The following SH3BGR variants were observed in gnomAD, a reference collection of about 807,000 sequenced individuals.
SH3BGR encodes SH3 domain binding glutamate rich protein, also known as SH3 domain-binding glutamic acid-rich protein.
Under a neutral mutation model 24.5 loss-of-function variants are expected in SH3BGR, and 29 were observed. The ratio of observed to expected loss-of-function variants is 1.18; its 90% CI spans 0.88 to 1.61. The LOEUF is 1.61. SH3BGR is among the 40% of genes most tolerant of loss of function. The pLI is 0.00. For synonymous variants in SH3BGR, 55 were observed against 65.7 expected (o/e 0.84, Z 0.79); for missense variants, 162 against 205.8 (o/e 0.79, Z 1.30).
chr21:39,466,881 C>G (rs1016878148), intron 2 of SH3BGR, among the ~76,000 whole-genome samples: 1 of 150,814 alleles, frequency 6.6e-6, no homozygotes, highest in African/African-American at 2.4e-5. Context: ...TCTTACTTGT[C>G]TTTTGACTTT....
chr21:39,512,573 G>A (rs542790701), intron 6 of SH3BGR, among the ~76,000 whole-genome samples: 32 of 152,260 alleles, frequency 2.1e-4, no homozygotes, highest in African/African-American at 6.0e-4. Context: ...GGACATGGGC[G>A]AATGCTTAAA....
In SH3BGR at chr21:39,467,743, G is replaced by A. The variant is rs138301394; in HGVS notation, c.231+5183G>A. On this transcript the variant is annotated intron_variant, in intron 2 of 6. Coordinates refer to ENST00000333634, the MANE Select transcript of SH3BGR (RefSeq NM_007341.3). Reference sequence around the variant, plus strand: ...ATGCCATGCCTGATGATGGCAGCAGGTGGAAGGAGACCCCAGAGGCAAGCA... The same window carrying A: ...ATGCCATGCCTGATGATGGCAGCAGATGGAAGGAGACCCCAGAGGCAAGCA... Among the ~76,000 whole-genome samples, 348 of 152,288 alleles carry A rather than the reference G, an allele frequency of 2.3e-3. 2 individuals are homozygous for A. The highest frequency in any genetic ancestry group is 7.9e-3 in the African/African-American group (327 of 41,552).
upstream of SH3BGR, among the ~76,000 whole-genome samples, chr21:39,447,910 T>G (rs1289065158): frequency 2.0e-5 from 3 of 152,194 alleles, no homozygotes; most frequent in Non-Finnish European, 2.9e-5. Flanking sequence ...CTTAGAACAA[T>G]AGAACTTTAT....
upstream of SH3BGR, among the ~76,000 whole-genome samples, chr21:39,449,074 C>T (rs535142641): frequency 3.3e-5 from 5 of 152,278 alleles, no homozygotes; most frequent in Admixed American, 3.3e-4. Context: ...GAGCCAAATT[C>T]CATCCCATTT....
At chr21:39,479,858 C>T (rs2837045) in intron 3 of SH3BGR, among the ~76,000 whole-genome samples, 82,755 of 151,912 alleles carry the variant, frequency 0.54, 23,107 homozygotes, top group East Asian at 0.68. Flanking sequence ...TTTGAATTTC[C>T]GTAGACATTT....
intron 1 of SH3BGR, among the ~76,000 whole-genome samples, chr21:39,461,135 A>ATTT (rs56088801): frequency 2.7e-4 from 34 of 127,014 alleles, no homozygotes; most frequent in African/African-American, 8.8e-4. Context: ...AGTTTTGTAG[A>ATTT]TTTTTTTTTT....
rs964362303 is a variant in SH3BGR at position 39,511,489 on chromosome 21, G to T, written c.436-191G>T. On this transcript the variant is annotated intron_variant, in intron 5 of 6. Transcript: ENST00000333634. The surrounding 1 kb of genome is among the most constrained non-coding windows in gnomAD (Gnocchi z 4.2). ...TGTGTGTTTGGGCGGTATGTGTGTG[G>T]GGTGTGTGTGTGGCATGTGTTTGTG... Among the ~76,000 whole-genome samples the T allele has an allele frequency of 2.2e-4, 32 of 148,490 alleles. No individual in the cohort carries two copies. Among genetic ancestry groups the T allele is most frequent in the African/African-American group, 7.2e-4 (29 of 40,154 alleles).
intron 3 of SH3BGR, among the ~76,000 whole-genome samples, chr21:39,480,010 A>G (rs2078106055): frequency 6.6e-6 from 1 of 152,158 alleles, no homozygotes; most frequent in Non-Finnish European, 1.5e-5. Flanking sequence ...TCTCATGATT[A>G]ACTAGAAACT....
chr21:39,469,482 C>CT (rs940187409), intron 2 of SH3BGR, among the ~76,000 whole-genome samples: 9 of 151,316 alleles, frequency 5.9e-5, no homozygotes, highest in East Asian at 1.9e-4. Flanking sequence ...CTTCTATACA[C>CT]TTTTTTTTCC....
intron 3 of SH3BGR, among the ~76,000 whole-genome samples, chr21:39,493,584 C>A (rs1205187312): frequency 6.6e-6 from 1 of 152,014 alleles, no homozygotes; most frequent in African/African-American, 2.4e-5. Context: ...TTTAGTCTTG[C>A]TTTGGCTATG....
chr21:39,503,256 A>G (rs1034417646), intron 4 of SH3BGR, among the ~76,000 whole-genome samples: 3 of 152,246 alleles, frequency 2.0e-5, no homozygotes, highest in African/African-American at 7.2e-5. Context: ...TGAAATAACT[A>G]TAGACTCACA....
At chr21:39,461,727 G>A (rs1290568865) in intron 1 of SH3BGR, among the ~76,000 whole-genome samples, 1 of 152,040 alleles carries the variant, frequency 6.6e-6, no homozygotes, top group Non-Finnish European at 1.5e-5. Context: ...TTTCTAGTTA[G>A]GTTTTCAGTT....
chr21:39,501,007 T>TCTTGA (rs1185865502), intron 4 of SH3BGR, among the ~76,000 whole-genome samples: 1 of 152,228 alleles, frequency 6.6e-6, no homozygotes, highest in Non-Finnish European at 1.5e-5. Context: ...AAATCTTCAA[T>TCTTGA]CTTGACCTAG....
chr21:39,463,003 C>G (rs533080322), intron 2 of SH3BGR, among the ~76,000 whole-genome samples: 86 of 152,270 alleles, frequency 5.6e-4, no homozygotes, highest in African/African-American at 1.9e-3. Context: ...CTCACTTCAG[C>G]CTCTTGAGTA....
At chr21:39,459,754 G>T (rs1051841352) in intron 1 of SH3BGR, among the ~76,000 whole-genome samples, 2 of 151,314 alleles carry the variant, frequency 1.3e-5, no homozygotes, top group African/African-American at 4.9e-5. Flanking sequence ...GCCCCATCTC[G>T]ACAAAAATTT....
intron 3 of SH3BGR, chr21:39,488,830 C>A (rs2123452826): frequency 9.6e-6 from 2 of 207,334 alleles, no homozygotes; most frequent in East Asian, 2.7e-4. Context: ...CCAGCCCTGT[C>A]CTTTGCCCTG....
chr21:39,496,584 G>A, intron 3 of SH3BGR, among the ~76,000 whole-genome samples: 1 of 151,196 alleles, frequency 6.6e-6, no homozygotes, highest in African/African-American at 2.4e-5. Context: ...TAAAATTCCA[G>A]TGAAATGCAT....
upstream of SH3BGR, chr21:39,451,695 G>C: frequency 1.7e-6 from 1 of 591,826 alleles, no homozygotes; most frequent in South Asian, 2.1e-5. Flanking sequence ...TTCGCCTCCT[G>C]CTGCTCTGTT....
chr21:39,470,905 CT>C (rs2077928412), intron 2 of SH3BGR, among the ~76,000 whole-genome samples: 1 of 151,792 alleles, frequency 6.6e-6, no homozygotes, highest in Admixed American at 6.6e-5. Flanking sequence ...TTTCTTTCAC[CT>C]TCATGCTTGA....
Sources: gnomAD v4.1 joint callset for allele counts (sites outside exome capture counted in the v4.1 genomes callset) on GRCh38, gnomAD v4.1.1 for gene constraint, Gnocchi (gnomAD v3.1) non-coding constraint, MANE v1.5 for transcripts, NCBI Gene and HGNC (gene_info 2026-07-23, HGNC 2026-07-21) for gene names.